RER1: variants seen among roughly 807,000 people sequenced by gnomAD.
RER1 encodes retention in endoplasmic reticulum sorting receptor 1, also known as protein RER1.
In RER1, 6 loss-of-function variants were observed where a neutral mutation model predicts 28.3. The observed-to-expected ratio is 0.21, with a 90% CI of 0.12 to 0.42. The LOEUF (loss-of-function observed/expected upper bound fraction) is 0.42. Among genes scored for constraint, RER1 ranks in the 10% least tolerant of loss-of-function variants. RER1 has a pLI of 1.00. For synonymous variants in RER1, 110 were observed against 95.9 expected, an observed-to-expected ratio of 1.15 and a Z score of -0.86; for missense variants, 159 against 252.9, an observed-to-expected ratio of 0.63 and a Z score of 2.52.
At chr1:2,400,371 C>A (rs887459642) in intron 4 of RER1, among the ~76,000 whole-genome samples, 4 of 152,346 alleles carry the variant, frequency 2.6e-5, no homozygotes, top group African/African-American at 9.6e-5. Context: ...GAGCCCCTTT[C>A]CTGTAGGCCT....
In RER1 at chr1:2,393,723, G is replaced by C. The variant is rs953838282; in HGVS notation, c.-8+1765G>C. Reference sequence around the variant, plus strand: ...AGCCAGGATCTGAAAGCAGGCTGTTGGAGTCCAAAGTTCACGTTCTTGCTC... The same window carrying C: ...AGCCAGGATCTGAAAGCAGGCTGTTCGAGTCCAAAGTTCACGTTCTTGCTC... On this transcript the variant is annotated intron_variant, in intron 1 of 6. Coordinates refer to ENST00000605895, the MANE Select transcript of RER1 (RefSeq NM_007033.5). Among the ~76,000 whole-genome samples the C allele has an allele frequency of 9.2e-5, 14 of 152,346 alleles. No homozygotes were observed. The South Asian group carries it at 2.9e-3, about 32-fold the overall frequency.
In RER1 at chr1:2,405,352, C is replaced by G; in HGVS notation, c.*2228C>G. The G allele has an allele frequency of 5.7e-6, 2 of 350,062 alleles. No individual in the cohort carries two copies. The highest frequency in any genetic ancestry group is 2.2e-5 in the South Asian group (1 of 44,576). The allele number at this position is 350,062 out of a possible 1,614,324, so 21.7% of individuals were successfully genotyped here. On this transcript the variant is annotated 3_prime_UTR_variant, in exon 7 of 7. Transcript: ENST00000605895. ...CCTCCGTGCCCCACCCCACCCAGCA[C>G]GCACTCATTCAGTCCATTGCCTTAA...
intron 2 of RER1, chr1:2,396,125 T>C (rs150154192): frequency 6.2e-6 from 3 of 482,780 alleles, no homozygotes; most frequent in Non-Finnish European, 1.1e-5. Flanking sequence ...TTTAAAAATA[T>C]AAAACCCAGT....
intron 5 of RER1, 127 bp from the exon 6 acceptor site, chr1:2,402,080 A>G (rs921275443): frequency 1.2e-5 from 20 of 1,602,602 alleles, no homozygotes; most frequent in Non-Finnish European, 1.5e-5. Context: ...CCCAGGGTAG[A>G]CCCCTCCTTT....
chr1:2,404,626 G>A lies in RER1; in HGVS notation c.*1502G>A, dbSNP rs926530244. 1.3e-5 allele frequency: 2 copies of A among 152,270 alleles called. No individual in the cohort carries two copies. The highest frequency in any genetic ancestry group is 4.8e-5 in the African/African-American group (2 of 41,456). The allele number at this position is 152,270 out of a possible 1,614,324, so 9.4% of individuals were successfully genotyped here. On this transcript the variant is annotated 3_prime_UTR_variant, in exon 7 of 7. Coordinates refer to ENST00000605895, the MANE Select transcript of RER1 (RefSeq NM_007033.5). ...TGGCAAGCTGACCTTGACTAACCCA[G>A]GAATACAGGGTCATCCTCATTCCTA... is the stretch of plus-strand genomic sequence containing the variant.
At chr1:2,396,924 T>C (rs769164102) in intron 2 of RER1, among the ~76,000 whole-genome samples, 192 bp from the exon 3 acceptor site, 2 of 152,264 alleles carry the variant, frequency 1.3e-5, no homozygotes, top group Non-Finnish European at 2.9e-5. Flanking sequence ...TCAGGAATTA[T>C]TGAAAATAAA....
In RER1 at chr1:2,403,280, A is replaced by G. The variant is rs1035757237; in HGVS notation, c.*156A>G. ...ATTTGTAACTGAAATATCAGGTTCT[A>G]GAAGAAACTGGCGCTTAAACCAAAT... On this transcript the variant is annotated 3_prime_UTR_variant, in exon 7 of 7. Transcript: ENST00000605895. 3.3e-6 allele frequency: 2 copies of G among 611,302 alleles called. No individual in the cohort carries two copies. The highest frequency in any genetic ancestry group is 1.9e-5 in the African/African-American group (1 of 53,864). The allele number at this position is 611,302 out of a possible 1,614,324, so 37.9% of individuals were successfully genotyped here.
chr1:2,401,260 T>TCCC (rs1642848085), intron 5 of RER1, among the ~76,000 whole-genome samples: 1 of 73,370 alleles, frequency 1.4e-5, no homozygotes, highest in East Asian at 5.2e-4. Context: ...CCTTCCTCCC[T>TCCC]CCTCCACCCT....
intron 5 of RER1, among the ~76,000 whole-genome samples, 164 bp downstream of exon 5, chr1:2,401,099 G>T (rs1246732699): frequency 6.6e-6 from 1 of 152,024 alleles, no homozygotes; most frequent in Non-Finnish European, 1.5e-5. Context: ...CTACCTTGCC[G>T]CATTCTCTTG....
At chr1:2,399,048 G>C (rs1443630375) in intron 3 of RER1, among the ~76,000 whole-genome samples, 1 of 152,142 alleles carries the variant, frequency 6.6e-6, no homozygotes. Flanking sequence ...TCAGGTGCCC[G>C]GGCCACCCGA....
intron 6 of RER1, 69 bp from the exon 7 acceptor site, chr1:2,402,966 A>C (rs1275856225): frequency 3.7e-6 from 5 of 1,337,822 alleles, no homozygotes; most frequent in Non-Finnish European, 5.3e-6. Flanking sequence ...TTGGCCGCTC[A>C]GATTTGGGGA....
intron 5 of RER1, among the ~76,000 whole-genome samples, chr1:2,401,227 C>CTCTTCCTCCCT: frequency 1.3e-5 from 1 of 75,118 alleles, no homozygotes; most frequent in South Asian, 5.1e-4. Flanking sequence ...CCCTCCTCCT[C>CTCTTCCTCCCT]CCTTCCTCCC....
chr1:2,399,498 C>T lies in RER1; in HGVS notation c.270C>T (p.Ser90=). 1.2e-6 allele frequency: 2 copies of T among 1,609,476 alleles called. No homozygotes were observed. The highest frequency in any genetic ancestry group is 1.7e-6 in the Non-Finnish European group (2 of 1,175,752). Residue 90 remains serine (S), a synonymous_variant, in exon 4 of 7, where the codon TCC becomes TCT. Transcript: ENST00000605895. ...TTCTTTCTCCCAAAGTGGATCCTTC[C>T]TTAATGGAAGACTCAGGTAGGGTAG... The part of the protein sequence containing the change: ...IAFLSPKVDP[S]LMEDSDDGPS...
intron 5 of RER1, 58 bp from the exon 6 acceptor site, chr1:2,402,149 C>A (rs750275813): frequency 6.2e-7 from 1 of 1,613,932 alleles, no homozygotes; most frequent in Non-Finnish European, 8.5e-7. Flanking sequence ...TGGAGGCGGC[C>A]GGCAGGTGCC....
chr1:2,399,627 G>T (rs754492705), intron 4 of RER1, 113 bp downstream of exon 4: 2 of 706,450 alleles, frequency 2.8e-6, no homozygotes, highest in Non-Finnish European at 5.1e-6. Context: ...GGGTTGAAAT[G>T]TACTTGTAAT....
chr1:2,395,198 A>G (rs1642750800), intron 1 of RER1: 1 of 155,288 alleles, frequency 6.4e-6, no homozygotes, highest in African/African-American at 2.4e-5. Flanking sequence ...TTGAAATAGG[A>G]GCAGATACGT....
At chr1:2,398,644 C>T (rs1290870471) in intron 3 of RER1, among the ~76,000 whole-genome samples, 1 of 152,274 alleles carries the variant, frequency 6.6e-6, no homozygotes, top group Non-Finnish European at 1.5e-5. Context: ...CCGCCTTGGC[C>T]TCCCAAAGTG....
intron 1 of RER1, 29 bp from the exon 2 acceptor site, chr1:2,395,755 C>A: frequency 6.6e-7 from 1 of 1,511,700 alleles, no homozygotes; most frequent in Non-Finnish European, 9.2e-7. Context: ...ATGCTTTTTA[C>A]TGAAAAGTAT....
rs1192916518 is a variant in RER1 at position 2,402,188 on chromosome 1, C to T, written c.366-19C>T. On this transcript the variant is annotated intron_variant, in intron 5 of 6. Coordinates refer to ENST00000605895, the MANE Select transcript of RER1 (RefSeq NM_007033.5). Reference sequence around the variant, plus strand: ...TGCTGGCTGCAGATGCGGCGCTAACCTTCTCTCCCCACTTGAAGGCATGCG... The same window carrying T: ...TGCTGGCTGCAGATGCGGCGCTAACTTTCTCTCCCCACTTGAAGGCATGCG... 1 of 1,614,144 alleles carries T rather than the reference C, an allele frequency of 6.2e-7. No individual in the cohort carries two copies. Among genetic ancestry groups the T allele is most frequent in the East Asian group, 2.2e-5 (1 of 44,882 alleles).
Sources: gnomAD v4.1 joint callset for allele counts (sites outside exome capture counted in the v4.1 genomes callset) on GRCh38, gnomAD v4.1.1 for gene constraint, MANE v1.5 for transcripts, NCBI Gene and HGNC (gene_info 2026-07-23, HGNC 2026-07-21) for gene names.